TTC27: variants seen among roughly 807,000 people sequenced by gnomAD.
The protein encoded by TTC27 is tetratricopeptide repeat protein 27.
Under a neutral mutation model 115.9 loss-of-function variants are expected in TTC27, and 79 were observed. The ratio of observed to expected loss-of-function variants is 0.68; its 90% CI spans 0.57 to 0.82. The LOEUF (loss-of-function observed/expected upper bound fraction) is 0.82. Ranked by LOEUF, TTC27 falls within the 40% of genes least tolerant of loss-of-function variation. The pLI is 0.00. For synonymous variants in TTC27, 401 were observed against 356.0 expected (o/e 1.13, Z -1.42); for missense variants, 1,054 against 993.1 (o/e 1.06, Z -0.82).
intron 5 of TTC27, among the ~76,000 whole-genome samples, chr2:32,653,530 G>A (rs1369023267): frequency 2.0e-5 from 3 of 149,118 alleles, no homozygotes; most frequent in Non-Finnish European, 4.4e-5. Context: ...GGAGGTAGAG[G>A]TTACAGTGAG....
intron 9 of TTC27, among the ~76,000 whole-genome samples, chr2:32,696,375 C>T (rs2151897621): frequency 6.6e-6 from 1 of 151,792 alleles, no homozygotes; most frequent in South Asian, 2.1e-4. Context: ...CTGCAACCTC[C>T]ACCTCCTGGG....
At chr2:32,679,005 A>C in intron 9 of TTC27, 83 bp downstream of exon 9, 1 of 1,188,588 alleles carries the variant, frequency 8.4e-7, no homozygotes, top group Non-Finnish European at 1.2e-6. Context: ...TGGATTGTTT[A>C]TGTTGAAACA....
intron 10 of TTC27, among the ~76,000 whole-genome samples, chr2:32,706,997 T>G (rs115059698): frequency 9.2e-5 from 14 of 152,336 alleles, no homozygotes; most frequent in Non-Finnish European, 1.8e-4. Context: ...ATGTACCACT[T>G]CTGGGTCATA....
intron 10 of TTC27, 56 bp from the exon 11 acceptor site, chr2:32,733,772 T>A (rs202047746): frequency 1.1e-5 from 8 of 712,734 alleles, no homozygotes; most frequent in Non-Finnish European, 1.4e-5. Flanking sequence ...CAATAAGGAC[T>A]TATTTATATT....
chr2:32,640,514 C>T, intron 4 of TTC27, 104 bp downstream of exon 4: 1 of 1,203,096 alleles, frequency 8.3e-7, no homozygotes, highest in Non-Finnish European at 1.2e-6. Context: ...ATTTTGTTTT[C>T]TAAGTCTTCT....
intron 13 of TTC27, among the ~76,000 whole-genome samples, chr2:32,767,622 C>T (rs565356206): frequency 1.6e-4 from 24 of 151,236 alleles, no homozygotes; most frequent in South Asian, 1.0e-3. Context: ...CCACCGCGCC[C>T]GGCTAATTTT....
intron 6 of TTC27, among the ~76,000 whole-genome samples, chr2:32,665,718 C>T (rs1665748159): frequency 1.3e-5 from 2 of 152,048 alleles, no homozygotes; most frequent in African/African-American, 2.4e-5. Flanking sequence ...CATGGCAAAA[C>T]CCGCCTCACT....
chr2:32,799,503 A>T (rs1339713935), intron 16 of TTC27, among the ~76,000 whole-genome samples: 1 of 152,220 alleles, frequency 6.6e-6, no homozygotes, highest in Non-Finnish European at 1.5e-5. Context: ...CTCCAGATAG[A>T]CTAAATCTAT....
chr2:32,805,180 T>A (rs562354819), intron 16 of TTC27, among the ~76,000 whole-genome samples: 2 of 152,326 alleles, frequency 1.3e-5, no homozygotes, highest in South Asian at 4.1e-4. Flanking sequence ...GTTCTTCAGC[T>A]CCTCTGTGCT....
At chr2:32,647,035 G>T (rs1298847229) in intron 4 of TTC27, among the ~76,000 whole-genome samples, 2 of 150,026 alleles carry the variant, frequency 1.3e-5, no homozygotes, top group Non-Finnish European at 3.0e-5. Context: ...GGAGTACAGT[G>T]GTGTGATCAC....
intron 9 of TTC27, among the ~76,000 whole-genome samples, chr2:32,697,177 G>A (rs1047866055): frequency 7.1e-6 from 1 of 140,662 alleles, no homozygotes; most frequent in African/African-American, 2.5e-5. Context: ...GGGCAATAGA[G>A]TGAGACCCTG....
chr2:32,666,268 A>G (rs1164855184), intron 6 of TTC27, among the ~76,000 whole-genome samples: 1 of 152,168 alleles, frequency 6.6e-6, no homozygotes, highest in Non-Finnish European at 1.5e-5. Context: ...GTGATCATGA[A>G]CAAATGACTG....
At chr2:32,814,086 A>C (rs182038561) in intron 18 of TTC27, among the ~76,000 whole-genome samples, 20 of 152,298 alleles carry the variant, frequency 1.3e-4, no homozygotes, top group Non-Finnish European at 2.2e-4. Flanking sequence ...ATTTACTTTG[A>C]AAAATTTATC....
chr2:32,763,859 G>T (rs911144301), intron 13 of TTC27, among the ~76,000 whole-genome samples: 1 of 152,132 alleles, frequency 6.6e-6, no homozygotes, highest in Non-Finnish European at 1.5e-5. Flanking sequence ...GAGGTTTGCG[G>T]GATAGTGAAA....
At chr2:32,735,335 T>A (rs1668418771) in intron 11 of TTC27, among the ~76,000 whole-genome samples, 1 of 152,164 alleles carries the variant, frequency 6.6e-6, no homozygotes, top group African/African-American at 2.4e-5. Context: ...GTGAAATTGG[T>A]TAGGTGCTTT....
Position 32,702,903 on chromosome 2 carries a change from G to C in TTC27, c.1216G>C (p.Ala406Pro). ...AGGAAGTACTCGCCGAGTGGAACGGGCAATGAGGCAGACACAGGTAAGAAT... is the reference window on the plus strand; with the variant it reads ...AGGAAGTACTCGCCGAGTGGAACGGCCAATGAGGCAGACACAGGTAAGAAT... ...EKGSTRRVER[A>P]MRQTQALADQ... The change falls in exon 10 of 20, where the codon GCA becomes CCA. Residue 406 changes from alanine (A) to proline (P), a missense_variant. Coordinates refer to ENST00000317907, the MANE Select transcript of TTC27 (RefSeq NM_017735.5). The C allele has an allele frequency of 1.2e-6, 2 of 1,613,810 alleles. No homozygotes were observed. The highest frequency in any genetic ancestry group is 1.7e-6 in the Non-Finnish European group (2 of 1,179,740).
chr2:32,647,055 T>C (rs1458979339), intron 4 of TTC27, among the ~76,000 whole-genome samples: 1 of 151,514 alleles, frequency 6.6e-6, no homozygotes, highest in Non-Finnish European at 1.5e-5. Flanking sequence ...CAGCTGACTA[T>C]AACCTTAAAC....
chr2:32,773,333 A>C (rs1287004470), intron 13 of TTC27, among the ~76,000 whole-genome samples: 1 of 151,884 alleles, frequency 6.6e-6, no homozygotes, highest in African/African-American at 2.4e-5. Flanking sequence ...GTGGCCACCC[A>C]TTTTTCTATG....
chr2:32,661,830 A>G (rs1665560034), intron 5 of TTC27, among the ~76,000 whole-genome samples: 1 of 152,194 alleles, frequency 6.6e-6, no homozygotes, highest in African/African-American at 2.4e-5. Flanking sequence ...GAGGGAGGGC[A>G]TCCTTGTCTT....
Sources: allele counts gnomAD v4.1 joint callset (sites outside exome capture counted in the v4.1 genomes callset), GRCh38; gene constraint gnomAD v4.1.1; transcripts MANE v1.5; gene names NCBI Gene and HGNC (gene_info 2026-07-23, HGNC 2026-07-21).